The following FAM111B variants were observed in gnomAD, a reference collection of about 807,000 sequenced individuals.
The protein encoded by FAM111B is serine protease FAM111B.
Under a neutral mutation model 2.8 loss-of-function variants are expected in FAM111B, and 1 was observed. The ratio of observed to expected loss-of-function variants is 0.36; its 90% CI spans 0.13 to 1.70. FAM111B has a LOEUF of 1.70. FAM111B is among the 40% of genes most tolerant of loss of function. The probability of loss-of-function intolerance (pLI) is 0.35; values close to 1 mark genes in which losing one functional copy is unlikely to be tolerated. For missense variants in FAM111B, 882 were observed against 878.9 expected (o/e 1.00, Z -0.04); for synonymous variants, 297 against 295.6 (o/e 1.00, Z -0.05).
intron 3 of FAM111B, among the ~76,000 whole-genome samples, chr11:59,113,211 T>TTAAC (rs138039096): frequency 6.6e-5 from 1 of 15,214 alleles, no homozygotes; most frequent in South Asian, 1.2e-3. Flanking sequence ...AAATTGTGTG[T>TTAAC]TGTGTAAAAA....
intron 3 of FAM111B, among the ~76,000 whole-genome samples, chr11:59,112,296 A>G (rs758159171): frequency 1.3e-5 from 2 of 152,224 alleles, no homozygotes; most frequent in Non-Finnish European, 2.9e-5. Flanking sequence ...TTCACTTAGA[A>G]CATTCCATTT....
At position 59,125,615 on chromosome 11, in the gene FAM111B, A is replaced by G. The variant is rs1357372038; in HGVS notation, c.1518A>G (p.Pro506=). Reference sequence around the variant, plus strand: ...AAAACACACATCCAAGTTTGTGGCCAGATATAATTAGCAAATGTGCGAAGG... The same window carrying G: ...AAAACACACATCCAAGTTTGTGGCCGGATATAATTAGCAAATGTGCGAAGG... ...VGKNTHPSLW[P]DIISKCAKVT... The change falls in exon 4 of 4, where the codon CCA becomes CCG. Residue 506 remains proline, a synonymous_variant. Transcript: ENST00000343597. 3 of 1,613,982 alleles carry G rather than the reference A, an allele frequency of 1.9e-6. No individual in the cohort carries two copies. The highest frequency in any genetic ancestry group is 1.7e-6 in the Non-Finnish European group (2 of 1,179,864).
intron 3 of FAM111B, among the ~76,000 whole-genome samples, chr11:59,118,634 T>C (rs1031576351): frequency 3.3e-5 from 5 of 152,208 alleles, no homozygotes; most frequent in African/African-American, 1.2e-4. Context: ...TTGTGTTTTT[T>C]CTAGTCTTGG....
Position 59,125,890 on chromosome 11 carries a change from G to A in FAM111B, c.1793G>A (p.Arg598Gln), listed in dbSNP as rs780432065. The A allele has an allele frequency of 5.0e-6, 8 of 1,613,678 alleles. No individual in the cohort carries two copies. The highest frequency in any genetic ancestry group is 1.3e-5 in the African/African-American group (1 of 74,898). ...TGTACTGTGATTCCTCTAAACGAAC[G>A]ATTGAAAAAATATCCAAACGATTGT... is the stretch of plus-strand genomic sequence containing the variant. ...DGCTVIPLNE[R>Q]LKKYPNDCQD... The change falls in exon 4 of 4, where the codon CGA becomes CAA. Residue 598 changes from arginine (R) to glutamine (Q), a missense_variant. By Grantham distance (43) the Arg-to-Gln change is conservative. Transcript: ENST00000343597.
rs780892213 is a variant in FAM111B at position 59,125,781 on chromosome 11, T to C, written c.1684T>C (p.Trp562Arg). The change falls in exon 4 of 4, where the codon TGG becomes CGG. Residue 562 changes from tryptophan to arginine, a missense_variant. Transcript: ENST00000343597. ...ENGNAFPPGL[W>R]RQISPQPSTG... is the part of the protein sequence containing the mutation. Reference sequence around the variant, plus strand: ...TGGAAATGCGTTTCCTCCAGGACTATGGCGACAGATTTCTCCTCAACCATC... The same window carrying C: ...TGGAAATGCGTTTCCTCCAGGACTACGGCGACAGATTTCTCCTCAACCATC... 1.9e-6 allele frequency: 3 copies of C among 1,613,804 alleles called. No homozygotes were observed. In the Admixed American group the frequency reaches 5.0e-5, roughly 27 times the overall value.
intron 3 of FAM111B, among the ~76,000 whole-genome samples, chr11:59,110,486 T>A (rs920054337): frequency 7.9e-5 from 12 of 152,178 alleles, no homozygotes; most frequent in Admixed American, 5.9e-4. Flanking sequence ...TGGGTGCCTA[T>A]AGTTAATAAC....
Position 59,109,521 on chromosome 11 carries a change from G to GT in FAM111B, c.-86-12dup, listed in dbSNP as rs1315734244. ...TGAAAGTGGTTATTTCATAGATCTTGTTTTTTTGGTTTTTTTAGACATTTC... is the reference window on the plus strand; with the variant it reads ...TGAAAGTGGTTATTTCATAGATCTTGTTTTTTTTGGTTTTTTTAGACATTTC... On this transcript the variant is annotated intron_variant, in intron 2 of 3. Transcript: ENST00000343597. 10 of 690,652 alleles carry GT rather than the reference G, an allele frequency of 1.4e-5. No homozygotes were observed. The highest frequency in any genetic ancestry group is 2.6e-4 in the Middle Eastern group (1 of 3,868). 42.8% of individuals were successfully genotyped at this position (690,652 alleles called of 1,614,324 possible). A position where few individuals can be genotyped will look rare whatever the true frequency, so the allele number is the denominator to read the frequency against.
intron 3 of FAM111B, among the ~76,000 whole-genome samples, chr11:59,123,650 T>C (rs1264453098): frequency 6.6e-6 from 1 of 152,236 alleles, no homozygotes; most frequent in Non-Finnish European, 1.5e-5. Flanking sequence ...CAGTGAAATA[T>C]TCTGTAGCCC....
chr11:59,119,939 T>C (rs746584205), intron 3 of FAM111B, among the ~76,000 whole-genome samples: 6 of 152,176 alleles, frequency 3.9e-5, no homozygotes, highest in Admixed American at 6.5e-5. Flanking sequence ...AAACAAAAAA[T>C]ATTTATAGAT....
intron 3 of FAM111B, among the ~76,000 whole-genome samples, chr11:59,122,858 A>C (rs1590892688): frequency 6.6e-6 from 1 of 152,148 alleles, no homozygotes; most frequent in South Asian, 2.1e-4. Flanking sequence ...ATTCCATTGC[A>C]CCTACCTACT....
In FAM111B at chr11:59,125,889, C is replaced by T. The variant is rs200211922; in HGVS notation, c.1792C>T (p.Arg598Ter). 24 of 1,613,626 alleles carry T rather than the reference C, an allele frequency of 1.5e-5. No individual in the cohort carries two copies. Among genetic ancestry groups the T allele is most frequent in the Middle Eastern group, 1.6e-4 (1 of 6,082 alleles). The change falls in exon 4 of 4, where the codon CGA becomes TGA. Residue 598 changes from arginine (R) to a stop codon, truncating the protein, a stop_gained. Transcript: ENST00000343597. LOFTEE classifies it low-confidence loss of function (END_TRUNC). The part of the protein sequence containing the change: ...DGCTVIPLNE[R>*]LKKYPNDCQD... Reference sequence around the variant, plus strand: ...TTGTACTGTGATTCCTCTAAACGAACGATTGAAAAAATATCCAAACGATTG... The same window carrying T: ...TTGTACTGTGATTCCTCTAAACGAATGATTGAAAAAATATCCAAACGATTG...
chr11:59,124,469 G>A lies in FAM111B; in HGVS notation c.372G>A (p.Gln124=). The part of the protein sequence containing the change: ...NDYFSERIKN[Q]FNKNIIVYEE... ...ATTTCAGTGAAAGGATAAAGAATCA[G>A]TTTAATAAGAACATTATTGTTTATG... Residue 124 remains glutamine, a synonymous_variant, in exon 4 of 4, where the codon CAG becomes CAA. Coordinates refer to ENST00000343597, the MANE Select transcript of FAM111B (RefSeq NM_198947.4). 1 of 1,613,498 alleles carries A rather than the reference G, an allele frequency of 6.2e-7. No homozygotes were observed. The highest frequency in any genetic ancestry group is 8.5e-7 in the Non-Finnish European group (1 of 1,179,786).
At chr11:59,120,830 A>G (rs1203907114) in intron 3 of FAM111B, among the ~76,000 whole-genome samples, 1 of 152,244 alleles carries the variant, frequency 6.6e-6, no homozygotes, top group Middle Eastern at 3.2e-3. Context: ...ATTTTGAGGT[A>G]CTAGGGATTA....
At chr11:59,117,352 G>A (rs749351853) in intron 3 of FAM111B, among the ~76,000 whole-genome samples, 75 of 152,286 alleles carry the variant, frequency 4.9e-4, no homozygotes, top group Non-Finnish European at 1.8e-4. Flanking sequence ...CCATCAAAAT[G>A]TGGAAAGAAC....
chr11:59,111,850 A>AT (rs2135396178), intron 3 of FAM111B, among the ~76,000 whole-genome samples: 1 of 152,340 alleles, frequency 6.6e-6, no homozygotes, highest in East Asian at 1.9e-4. Flanking sequence ...CAACAAAGCA[A>AT]GGGAATATAA....
chr11:59,125,638 A>G lies in FAM111B; in HGVS notation c.1541A>G (p.Lys514Arg). Residue 514 changes from lysine to arginine, a missense_variant, in exon 4 of 4, where the codon AAG becomes AGG. By Grantham distance (26) the Lys-to-Arg change is conservative. Transcript: ENST00000343597. Reference sequence around the variant, plus strand: ...CCAGATATAATTAGCAAATGTGCGAAGGTAACCTTCACTTATACAGAGTTC... The same window carrying G: ...CCAGATATAATTAGCAAATGTGCGAGGGTAACCTTCACTTATACAGAGTTC... ...LWPDIISKCAKVTFTYTEFCP... is the reference protein window; with the variant it reads ...LWPDIISKCARVTFTYTEFCP... The G allele has an allele frequency of 6.2e-7, 1 of 1,613,992 alleles. No homozygotes were observed. The highest frequency in any genetic ancestry group is 8.5e-7 in the Non-Finnish European group (1 of 1,179,856).
intron 3 of FAM111B, among the ~76,000 whole-genome samples, chr11:59,112,972 G>T (rs527540483): frequency 2.0e-5 from 3 of 151,950 alleles, no homozygotes; most frequent in Non-Finnish European, 4.4e-5. Context: ...TTTTATTCCT[G>T]TTTCGGGAGG....
rs1859975965 is a variant in FAM111B, at chr11:59,124,431, A to T, written c.334A>T (p.Ser112Cys). ...KPSESIYSAL[S>C]ANDYFSERIK... ...CAGCGAGAGTATCTACTCAGCCCTG[A>T]GTGCTAATGACTATTTCAGTGAAAG... Residue 112 changes from serine to cysteine, a missense_variant, in exon 4 of 4, where the codon AGT (serine) becomes TGT (cysteine). Ser to Cys is a moderately radical substitution (Grantham distance 112, BLOSUM62 -1). Coordinates refer to ENST00000343597, the MANE Select transcript of FAM111B (RefSeq NM_198947.4). The T allele has an allele frequency of 6.2e-7, 1 of 1,613,596 alleles. No individual in the cohort carries two copies. The highest frequency in any genetic ancestry group is 2.2e-5 in the East Asian group (1 of 44,886).
chr11:59,115,870 C>G (rs986263013), intron 3 of FAM111B, among the ~76,000 whole-genome samples: 2 of 152,160 alleles, frequency 1.3e-5, no homozygotes, highest in African/African-American at 4.8e-5. Context: ...ATCTTAGTTT[C>G]TTTAAGGTCT....
Sources: gnomAD v4.1 joint callset for allele counts (sites outside exome capture counted in the v4.1 genomes callset) on GRCh38, gnomAD v4.1.1 for gene constraint, MANE v1.5 for transcripts, NCBI Gene and HGNC (gene_info 2026-07-23, HGNC 2026-07-21) for gene names.